The following LHFPL6 variants were observed in gnomAD, a reference collection of about 807,000 sequenced individuals.
LHFPL6 encodes LHFPL tetraspan subfamily member 6.
Under a neutral mutation model 20.6 loss-of-function variants are expected in LHFPL6, and 9 were observed. The ratio of observed to expected loss-of-function variants is 0.44; its 90% CI spans 0.26 to 0.76. The LOEUF is 0.76. Among genes scored for constraint, LHFPL6 ranks in the 30% least tolerant of loss-of-function variants. LHFPL6 has a pLI of 0.20. For missense variants in LHFPL6, 218 were observed against 253.5 expected, an observed-to-expected ratio of 0.86 and a Z score of 0.95; for synonymous variants, 105 against 98.7, an observed-to-expected ratio of 1.06 and a Z score of -0.38.
chr13:39,501,376 A>T (rs1028225382), intron 2 of LHFPL6, among the ~76,000 whole-genome samples: 2 of 152,132 alleles, frequency 1.3e-5, no homozygotes, highest in African/African-American at 4.8e-5. Context: ...ATCTTTCTCT[A>T]AACAGCCCAG....
intron 2 of LHFPL6, among the ~76,000 whole-genome samples, chr13:39,392,334 C>G (rs1055843200): frequency 6.6e-6 from 1 of 152,178 alleles, no homozygotes; most frequent in African/African-American, 2.4e-5. Context: ...GTGGCTCATG[C>G]CTGCAATCCC....
At chr13:39,376,234 A>G (rs953519129) in intron 3 of LHFPL6, among the ~76,000 whole-genome samples, 4 of 152,166 alleles carry the variant, frequency 2.6e-5, no homozygotes, top group African/African-American at 9.7e-5. Flanking sequence ...AACAGCCAAG[A>G]ATGCCTCAAA....
At chr13:39,352,822 T>TATATATATATGTGTATATATATATAA in intron 3 of LHFPL6, among the ~76,000 whole-genome samples, 1 of 31,628 alleles carries the variant, frequency 3.2e-5, no homozygotes, top group Non-Finnish European at 8.7e-5. Flanking sequence ...GGAAAACATT[T>TATATATATATGTGTATATATATATAA]ATATATATAT....
chr13:39,576,616 G>A (rs1331110261), intron 2 of LHFPL6, among the ~76,000 whole-genome samples: 1 of 152,150 alleles, frequency 6.6e-6, no homozygotes, highest in Non-Finnish European at 1.5e-5. Context: ...CACTTGTTCT[G>A]CTGTCATCAT....
intron 2 of LHFPL6, among the ~76,000 whole-genome samples, chr13:39,438,101 G>A (rs1872014960): frequency 6.6e-6 from 1 of 152,188 alleles, no homozygotes; most frequent in Non-Finnish European, 1.5e-5. Context: ...AATTCTGATA[G>A]TGATATAGAC....
chr13:39,438,801 C>A (rs1334754604), intron 2 of LHFPL6, among the ~76,000 whole-genome samples: 1 of 152,238 alleles, frequency 6.6e-6, no homozygotes, highest in East Asian at 1.9e-4. Flanking sequence ...TGGTATTAAA[C>A]CTGCAGGTAT....
At chr13:39,490,485 T>C (rs1040601199) in intron 2 of LHFPL6, among the ~76,000 whole-genome samples, 6 of 152,234 alleles carry the variant, frequency 3.9e-5, no homozygotes, top group African/African-American at 7.2e-5. Context: ...AGTCTCTGTG[T>C]TAACTCCATC....
chr13:39,533,461 G>A (rs1210044457), intron 2 of LHFPL6, among the ~76,000 whole-genome samples: 1 of 152,106 alleles, frequency 6.6e-6, no homozygotes, highest in African/African-American at 2.4e-5. Context: ...TCTTCTAAAG[G>A]TATGGCCGGG....
intron 2 of LHFPL6, among the ~76,000 whole-genome samples, chr13:39,537,065 T>C (rs1003772392): frequency 2.6e-5 from 4 of 152,350 alleles, no homozygotes; most frequent in African/African-American, 9.6e-5. Flanking sequence ...ACTGTCTTCC[T>C]ACTGATGGCA....
chr13:39,429,170 C>T (rs1871722964), intron 2 of LHFPL6, among the ~76,000 whole-genome samples: 1 of 150,522 alleles, frequency 6.6e-6, no homozygotes, highest in Non-Finnish European at 1.5e-5. Context: ...TTGTTCAAGT[C>T]GTGCATATCC....
intron 2 of LHFPL6, among the ~76,000 whole-genome samples, chr13:39,460,091 A>G (rs1233450789): frequency 2.0e-5 from 3 of 152,114 alleles, no homozygotes; most frequent in Admixed American, 6.5e-5. Context: ...TATCTATAGA[A>G]ATTTCTCTTC....
chr13:39,360,067 T>C (rs61945280), intron 3 of LHFPL6, among the ~76,000 whole-genome samples: 44,066 of 96,350 alleles, frequency 0.46, 12,686 homozygotes, highest in East Asian at 0.59. Flanking sequence ...GTCGCCCAGG[T>C]TGGAGTGCAG....
chr13:39,466,032 C>T (rs140814185), intron 2 of LHFPL6, among the ~76,000 whole-genome samples: 1 of 152,202 alleles, frequency 6.6e-6, no homozygotes, highest in Non-Finnish European at 1.5e-5. Context: ...GCCCTGCGCT[C>T]TTGGAAAATC....
At chr13:39,583,937 G>C (rs1428168818) in intron 2 of LHFPL6, among the ~76,000 whole-genome samples, 2 of 152,066 alleles carry the variant, frequency 1.3e-5, no homozygotes, top group Non-Finnish European at 2.9e-5. Context: ...TGTCCCTGCT[G>C]TTCCCTCTCT....
intron 2 of LHFPL6, among the ~76,000 whole-genome samples, chr13:39,493,321 T>C (rs1455713743): frequency 1.8e-5 from 2 of 114,000 alleles, no homozygotes; most frequent in African/African-American, 3.2e-5. Flanking sequence ...AAAAAAAAAA[T>C]AGGGAAAAAG....
At chr13:39,519,912 C>T (rs990510917) in intron 2 of LHFPL6, among the ~76,000 whole-genome samples, 3 of 152,174 alleles carry the variant, frequency 2.0e-5, no homozygotes, top group Non-Finnish European at 4.4e-5. Flanking sequence ...TGTTTGCAGA[C>T]ATATAGTCCC....
At chr13:39,380,332 G>C (rs959534203) in intron 2 of LHFPL6, among the ~76,000 whole-genome samples, 1 of 152,032 alleles carries the variant, frequency 6.6e-6, no homozygotes, top group Non-Finnish European at 1.5e-5. Flanking sequence ...TTTAAGCCAG[G>C]GGGACCCAAC....
chr13:39,410,809 T>C (rs626904), intron 2 of LHFPL6, among the ~76,000 whole-genome samples: 93,368 of 152,008 alleles, frequency 0.61, 29,113 homozygotes, highest in Admixed American at 0.7. Context: ...AACATTTCAC[T>C]ACTTCCTTTT....
At chr13:39,537,909 G>A (rs946973503) in intron 2 of LHFPL6, among the ~76,000 whole-genome samples, 6 of 151,992 alleles carry the variant, frequency 3.9e-5, no homozygotes, top group Admixed American at 2.0e-4. Flanking sequence ...AAGGGAGCAA[G>A]AAATCAACGT....
Sources: gnomAD v4.1 joint callset for allele counts (sites outside exome capture counted in the v4.1 genomes callset) on GRCh38, gnomAD v4.1.1 for gene constraint, MANE v1.5 for transcripts, NCBI Gene and HGNC (gene_info 2026-07-23, HGNC 2026-07-21) for gene names.